Variants in SNX29 observed in about 807,000 individuals in gnomAD.
SNX29 encodes the protein sorting nexin 29.
A neutral mutation model predicts 102.1 loss-of-function variants in SNX29; 78 were observed. The observed-to-expected ratio is 0.76, with a 90% CI of 0.64 to 0.92. The LOEUF (loss-of-function observed/expected upper bound fraction) is 0.92, where lower values mean the gene tolerates loss of function less well. Ranked by LOEUF, SNX29 falls within the 40% of genes least tolerant of loss-of-function variation. The pLI is 0.00. For synonymous variants in SNX29, 580 were observed against 414.5 expected (o/e 1.40, Z -4.85); for missense variants, 1,280 against 1,061.7 (o/e 1.21, Z -2.86).
chr16:12,465,096 T>G (rs1287154184), intron 18 of SNX29, among the ~76,000 whole-genome samples: 2 of 152,180 alleles, frequency 1.3e-5, no homozygotes, highest in Non-Finnish European at 2.9e-5. Context: ...ATCAGATTAT[T>G]TGGGATTTCT....
At chr16:12,398,646 G>T (rs1160726774) in intron 17 of SNX29, 145 bp downstream of exon 17, 9 of 874,392 alleles carry the variant, frequency 1.0e-5, no homozygotes, top group Non-Finnish European at 1.7e-5. Context: ...GCTGGTAGGA[G>T]TCGCTCTCCT....
At chr16:12,522,439 AT>A (rs1567650414) in intron 19 of SNX29, among the ~76,000 whole-genome samples, 1 of 151,744 alleles carries the variant, frequency 6.6e-6, no homozygotes, top group African/African-American at 2.4e-5. Context: ...ATTTGTTTTT[AT>A]TTTTTAGAGG....
intron 18 of SNX29, among the ~76,000 whole-genome samples, chr16:12,453,525 C>G (rs937464993): frequency 6.6e-6 from 1 of 152,002 alleles, no homozygotes; most frequent in East Asian, 1.9e-4. Flanking sequence ...GTCATGGAGT[C>G]CAGCTGGAGT....
chr16:12,548,325 G>A (rs2077739100), intron 20 of SNX29, among the ~76,000 whole-genome samples: 1 of 152,180 alleles, frequency 6.6e-6, no homozygotes, highest in Admixed American at 6.5e-5. Flanking sequence ...TCCTGGCTTG[G>A]TGCCTCCATG....
chr16:12,361,838 A>G lies in SNX29; in HGVS notation c.1899+5559A>G, dbSNP rs528340991. 2.6e-5 allele frequency among the ~76,000 whole-genome samples: 4 copies of G among 152,286 alleles called. No individual in the cohort carries two copies. The East Asian group carries it at 7.7e-4, about 29-fold the overall frequency. The stretch of plus-strand genomic sequence containing the variant: ...GTTAAGTAGTAAAAAAGGGTGAAAT[A>G]AATTTCTTCCTTTCTCTTACCCCCT... On this transcript the variant is annotated intron_variant, in intron 16 of 20. Coordinates refer to ENST00000566228, the MANE Select transcript of SNX29 (RefSeq NM_032167.5).
intron 20 of SNX29, among the ~76,000 whole-genome samples, chr16:12,541,526 G>A (rs1483230483): frequency 6.6e-6 from 1 of 152,068 alleles, no homozygotes; most frequent in Non-Finnish European, 1.5e-5. Context: ...AACCATTTCA[G>A]CATGTAGTTG....
At chr16:12,410,281 A>G (rs922583696) in intron 18 of SNX29, among the ~76,000 whole-genome samples, 1 of 152,222 alleles carries the variant, frequency 6.6e-6, no homozygotes, top group African/African-American at 2.4e-5. Context: ...GGTGTGAGCC[A>G]CTGCGCCTGG....
At chr16:12,438,819 G>T (rs574760037) in intron 18 of SNX29, among the ~76,000 whole-genome samples, 12 of 152,224 alleles carry the variant, frequency 7.9e-5, no homozygotes, top group Non-Finnish European at 1.5e-4. Flanking sequence ...TGGAAGGAAC[G>T]TTCTAGACTC....
intron 15 of SNX29, among the ~76,000 whole-genome samples, chr16:12,316,987 A>T (rs958102340): frequency 6.6e-6 from 1 of 152,354 alleles, no homozygotes; most frequent in African/African-American, 2.4e-5. Flanking sequence ...AGAGGGCTAG[A>T]AACCTCACAT....
intron 15 of SNX29, among the ~76,000 whole-genome samples, chr16:12,295,064 C>T (rs1340592214): frequency 6.6e-6 from 1 of 152,194 alleles, no homozygotes; most frequent in African/African-American, 2.4e-5. Context: ...GACTTATTCT[C>T]TACCACAAGA....
At chr16:11,983,196 G>T (rs2055464909) in intron 1 of SNX29, among the ~76,000 whole-genome samples, 1 of 151,118 alleles carries the variant, frequency 6.6e-6, no homozygotes, top group African/African-American at 2.4e-5. Flanking sequence ...CTCCCAAAGT[G>T]CTAGGATTAC....
chr16:12,172,243 C>G (rs545767277), intron 13 of SNX29, among the ~76,000 whole-genome samples: 3 of 152,196 alleles, frequency 2.0e-5, no homozygotes, highest in East Asian at 3.9e-4. Flanking sequence ...ATGGCAAACT[C>G]TTCTTGGGAA....
chr16:12,275,727 AC>A (rs2079224316), intron 14 of SNX29, among the ~76,000 whole-genome samples: 1 of 148,142 alleles, frequency 6.8e-6, no homozygotes, highest in Non-Finnish European at 1.5e-5. Flanking sequence ...CTTTATAAAA[AC>A]CTTTTTTTGC....
At chr16:12,194,337 T>C (rs963725516) in intron 13 of SNX29, among the ~76,000 whole-genome samples, 1 of 152,226 alleles carries the variant, frequency 6.6e-6, no homozygotes, top group Non-Finnish European at 1.5e-5. Context: ...TGACCCTGTG[T>C]TCTGTGACCT....
At chr16:12,069,219 C>T (rs2051179605) in intron 10 of SNX29, 87 bp downstream of exon 10, 3 of 1,140,138 alleles carry the variant, frequency 2.6e-6, no homozygotes, top group East Asian at 4.9e-5. Flanking sequence ...GATAGGAGTG[C>T]ACCTGCTAGG....
intron 15 of SNX29, among the ~76,000 whole-genome samples, chr16:12,292,824 G>T (rs2151068821): frequency 6.6e-6 from 1 of 152,288 alleles, no homozygotes. Context: ...CCTCTGTGAG[G>T]CTGATACAAG....
chr16:12,561,123 G>T (rs141249490), intron 20 of SNX29: 1 of 227,434 alleles, frequency 4.4e-6, no homozygotes, highest in African/African-American at 2.2e-5. Flanking sequence ...CACCCATCAC[G>T]CAGTCCTGAG....
At chr16:11,986,627 A>G (rs1318076153) in intron 1 of SNX29, among the ~76,000 whole-genome samples, 1 of 152,312 alleles carries the variant, frequency 6.6e-6, no homozygotes, top group South Asian at 2.1e-4. Context: ...AAGGCAGCAT[A>G]GCATTCCACC....
At chr16:12,188,904 C>T (rs2076577508) in intron 13 of SNX29, among the ~76,000 whole-genome samples, 1 of 152,158 alleles carries the variant, frequency 6.6e-6, no homozygotes, top group Non-Finnish European at 1.5e-5. Context: ...GGAAAAGTTA[C>T]CCAGACTTCT....
Sources: gnomAD v4.1 joint callset for allele counts (sites outside exome capture counted in the v4.1 genomes callset) on GRCh38, gnomAD v4.1.1 for gene constraint, MANE v1.5 for transcripts, NCBI Gene and HGNC (gene_info 2026-07-23, HGNC 2026-07-21) for gene names.